NCOA3: variants seen among roughly 807,000 people sequenced by gnomAD.
NCOA3 encodes the protein CBP-interacting protein.
In NCOA3, 51 loss-of-function variants were observed where a neutral mutation model predicts 158.8. The ratio of observed to expected loss-of-function variants is 0.32; its 90% confidence interval spans 0.26 to 0.41. NCOA3 has a LOEUF of 0.41. Among genes scored for constraint, NCOA3 ranks in the 10% least tolerant of loss-of-function variants. The probability of loss-of-function intolerance (pLI) is 1.00; values close to 1 mark genes in which losing one functional copy is unlikely to be tolerated. For synonymous variants in NCOA3, 537 were observed against 592.4 expected (o/e 0.91, Z 1.36); for missense variants, 1,510 against 1,746.6 (o/e 0.86, Z 2.41).
chr20:47,580,672 G>C (rs980679166), intron 1 of NCOA3, among the ~76,000 whole-genome samples: 2 of 151,426 alleles, frequency 1.3e-5, no homozygotes, highest in Admixed American at 6.6e-5. Context: ...AAACATAAGA[G>C]AACCATTTTA....
intron 1 of NCOA3, among the ~76,000 whole-genome samples, chr20:47,559,546 C>CT (rs1235532476): frequency 6.6e-6 from 1 of 152,088 alleles, no homozygotes; most frequent in Non-Finnish European, 1.5e-5. Context: ...CCTTTGCAGT[C>CT]TTTTTTTCTT....
chr20:47,635,210 T>C (rs996323840), intron 10 of NCOA3, 112 bp from the exon 11 acceptor site: 26 of 1,059,728 alleles, frequency 2.5e-5, no homozygotes, highest in Non-Finnish European at 3.2e-5. Flanking sequence ...AATATAGGTG[T>C]TAGCCACTGT....
Position 47,639,741 on chromosome 20 carries a change from A to C in NCOA3, c.2872A>C (p.Ile958Leu). The C allele has an allele frequency of 6.2e-7, 1 of 1,614,210 alleles. No individual in the cohort carries two copies. The highest frequency in any genetic ancestry group is 8.5e-7 in the Non-Finnish European group (1 of 1,180,034). Residue 958 changes from isoleucine to leucine, a missense_variant, in exon 15 of 23, where the codon ATT (isoleucine) becomes CTT (leucine). Ile to Leu is a conservative substitution (Grantham distance 5). Coordinates refer to ENST00000371998, the MANE Select transcript of NCOA3 (RefSeq NM_181659.3). ...SLPRPALGGS[I>L]PTLPLRSNSI... is the part of the protein sequence containing the mutation. ...ACCCAGACCTGCACTGGGTGGCTCTATTCCCACATTGCCTCTTCGGTCTAA... is the reference window on the plus strand; with the variant it reads ...ACCCAGACCTGCACTGGGTGGCTCTCTTCCCACATTGCCTCTTCGGTCTAA...
intron 1 of NCOA3, among the ~76,000 whole-genome samples, chr20:47,525,904 T>C: frequency 7.7e-6 from 1 of 130,410 alleles, no homozygotes. Context: ...CCCCCCCACC[T>C]CCCTCCCGGA....
intron 2 of NCOA3, among the ~76,000 whole-genome samples, chr20:47,584,393 G>A (rs565406102): frequency 6.6e-6 from 1 of 152,338 alleles, no homozygotes; most frequent in East Asian, 1.9e-4. Flanking sequence ...GCCAAGGTGG[G>A]TGGATCACCT....
At chr20:47,625,046 T>A (rs910255514) in intron 4 of NCOA3, among the ~76,000 whole-genome samples, 1 of 152,218 alleles carries the variant, frequency 6.6e-6, no homozygotes, top group African/African-American at 2.4e-5. Context: ...GTGCTGGGAT[T>A]ACAGGTGTGA....
intron 1 of NCOA3, among the ~76,000 whole-genome samples, chr20:47,513,986 C>A (rs2084189480): frequency 6.6e-6 from 1 of 152,040 alleles, no homozygotes; most frequent in African/African-American, 2.4e-5. Flanking sequence ...TGTATATGTA[C>A]CTAGACTAGG....
chr20:47,616,157 G>A (rs1409382791), intron 2 of NCOA3, among the ~76,000 whole-genome samples: 9 of 70,846 alleles, frequency 1.3e-4, no homozygotes, highest in South Asian at 8.6e-4. Flanking sequence ...CCCCCGCCCC[G>A]CCAAAAAAAA....
At position 47,652,574 on chromosome 20, in the gene NCOA3, G is replaced by C. The variant is rs544855251; in HGVS notation, c.4115G>C (p.Arg1372Thr). The change falls in exon 21 of 23, where the codon AGG (arginine) becomes ACG (threonine). Residue 1372 changes from arginine (R) to threonine (T), a missense_variant. Transcript: ENST00000371998. ...MKGWPSGNLA[R>T]NSSFSQQQFA... ...GGCTGGCCATCAGGAAATTTGGCCA[G>C]GAACAGGTAAAGAACAGTGACTTAT... is the stretch of plus-strand genomic sequence containing the variant. The C allele has an allele frequency of 2.5e-6, 4 of 1,607,656 alleles. No individual in the cohort carries two copies. In the Admixed American group the frequency reaches 5.0e-5, roughly 20 times the overall value.
intron 1 of NCOA3, among the ~76,000 whole-genome samples, chr20:47,530,741 A>C (rs943002542): frequency 2.6e-5 from 4 of 152,216 alleles, no homozygotes; most frequent in Non-Finnish European, 5.9e-5. Flanking sequence ...CTGGGATTAC[A>C]GGCGTGGGCC....
At chr20:47,588,957 C>T (rs1230859041) in intron 2 of NCOA3, among the ~76,000 whole-genome samples, 1 of 152,112 alleles carries the variant, frequency 6.6e-6, no homozygotes, top group African/African-American at 2.4e-5. Context: ...GGTGCAATCT[C>T]AGCTCACTGC....
chr20:47,534,871 T>C (rs1301221244), intron 1 of NCOA3, among the ~76,000 whole-genome samples: 1 of 151,528 alleles, frequency 6.6e-6, no homozygotes, highest in African/African-American at 2.4e-5. Context: ...GTAGAGATCA[T>C]GCCATTGCAC....
intron 1 of NCOA3, among the ~76,000 whole-genome samples, chr20:47,503,434 ATC>A (rs1422829705): frequency 1.3e-5 from 2 of 152,206 alleles, no homozygotes; most frequent in Admixed American, 6.5e-5. Context: ...TGAAAAGTGA[ATC>A]TCTCTTTCAC....
intron 2 of NCOA3, among the ~76,000 whole-genome samples, chr20:47,586,743 C>T (rs1012028024): frequency 4.6e-5 from 7 of 152,186 alleles, no homozygotes; most frequent in African/African-American, 1.7e-4. Context: ...TCCCTAACCC[C>T]TTTACTCTGT....
chr20:47,530,992 C>G (rs1327214526), intron 1 of NCOA3, among the ~76,000 whole-genome samples: 1 of 152,124 alleles, frequency 6.6e-6, no homozygotes, highest in Non-Finnish European at 1.5e-5. Flanking sequence ...TACCCTGTTT[C>G]ATCTTTCATC....
At chr20:47,613,982 A>G (rs907410143) in intron 2 of NCOA3, among the ~76,000 whole-genome samples, 5 of 152,016 alleles carry the variant, frequency 3.3e-5, no homozygotes, top group Non-Finnish European at 5.9e-5. Flanking sequence ...TAACTTCCTT[A>G]CCAGCATTGA....
At chr20:47,634,010 G>C (rs1448006436) in intron 9 of NCOA3, 38 bp from the exon 10 acceptor site, 1 of 1,611,444 alleles carries the variant, frequency 6.2e-7, no homozygotes, top group South Asian at 1.1e-5. Flanking sequence ...TTGTTTTGCT[G>C]ACTGTAGTTA....
At chr20:47,609,096 C>T (rs760200642) in intron 2 of NCOA3, among the ~76,000 whole-genome samples, 2 of 152,078 alleles carry the variant, frequency 1.3e-5, no homozygotes, top group Non-Finnish European at 2.9e-5. Context: ...ACAAATCGGC[C>T]ATTAATTTTA....
At chr20:47,642,119 C>G in intron 16 of NCOA3, 94 bp from the exon 17 acceptor site, 1 of 896,930 alleles carries the variant, frequency 1.1e-6, no homozygotes, top group South Asian at 1.9e-5. Flanking sequence ...ATTTGAGTTA[C>G]TGTTCATTAA....
Sources: gnomAD v4.1 joint callset for allele counts (sites outside exome capture counted in the v4.1 genomes callset) on GRCh38, gnomAD v4.1.1 for gene constraint, MANE v1.5 for transcripts, NCBI Gene and HGNC (gene_info 2026-07-23, HGNC 2026-07-21) for gene names.